Variants in SEMA6D observed in about 807,000 individuals in gnomAD.
SEMA6D encodes the protein semaphorin-6D.
A neutral mutation model predicts 106.6 loss-of-function variants in SEMA6D; 35 were observed. The observed-to-expected ratio is 0.33, with a 90% CI of 0.25 to 0.44. SEMA6D has a LOEUF of 0.44. SEMA6D is among the 20% of genes least tolerant of loss of function. The pLI is 1.00. For synonymous variants in SEMA6D, 499 were observed against 487.7 expected, an observed-to-expected ratio of 1.02 and a Z score of -0.31; for missense variants, 1,185 against 1,345.9, an observed-to-expected ratio of 0.88 and a Z score of 1.87.
intron 2 of SEMA6D, among the ~76,000 whole-genome samples, chr15:47,465,729 A>G (rs1372049114): frequency 6.6e-6 from 1 of 152,088 alleles, no homozygotes; most frequent in Non-Finnish European, 1.5e-5. Flanking sequence ...GCCTTCTACC[A>G]TGATTGTAAG....
chr15:47,471,968 C>CACACAG, intron 3 of SEMA6D, among the ~76,000 whole-genome samples: 1 of 149,476 alleles, frequency 6.7e-6, no homozygotes, highest in Non-Finnish European at 1.5e-5. Context: ...CACACACACA[C>CACACAG]ACACACGAAA....
At chr15:47,521,048 A>G (rs759303770) in intron 3 of SEMA6D, among the ~76,000 whole-genome samples, 1 of 152,190 alleles carries the variant, frequency 6.6e-6, no homozygotes, top group Non-Finnish European at 1.5e-5. Flanking sequence ...ACCAAAGTAG[A>G]ACTGCCTCCT....
At chr15:47,644,200 TATC>T (rs1429453546) in intron 4 of SEMA6D, among the ~76,000 whole-genome samples, 6 of 152,306 alleles carry the variant, frequency 3.9e-5, no homozygotes, top group African/African-American at 1.2e-4. Context: ...CTCCTTCAAA[TATC>T]ATGTAATTTA....
At chr15:47,641,804 C>T (rs528980906) in intron 4 of SEMA6D, among the ~76,000 whole-genome samples, 152 of 152,284 alleles carry the variant, frequency 1.0e-3, no homozygotes, top group Non-Finnish European at 1.6e-3. Context: ...ACGTCATGCT[C>T]CCCACACTGC....
chr15:47,698,751 T>A lies in SEMA6D; in HGVS notation c.-54-60994T>A, dbSNP rs1329226062. ...AATTAATGATAATCCTCTTTTCCTA[T>A]GAGTTCTGCTGCAGCCACAGCATCT... On this transcript the variant is annotated intron_variant, in intron 4 of 19. Coordinates refer to the SEMA6D transcript ENST00000558014. 3.9e-5 allele frequency among the ~76,000 whole-genome samples: 6 copies of A among 152,150 alleles called. No individual in the cohort carries two copies. In the South Asian group the frequency reaches 1.0e-3, roughly 26 times the overall value.
chr15:47,563,234 G>A (rs370680687), intron 3 of SEMA6D, among the ~76,000 whole-genome samples: 1 of 152,096 alleles, frequency 6.6e-6, no homozygotes, highest in South Asian at 2.1e-4. Flanking sequence ...TGTGTGATGG[G>A]CATGTCCAAA....
chr15:47,268,244 G>GAGAATTATTC (rs1219654719), intron 1 of SEMA6D, among the ~76,000 whole-genome samples: 1 of 152,194 alleles, frequency 6.6e-6, no homozygotes, highest in Non-Finnish European at 1.5e-5. Context: ...GCCTAGGCAT[G>GAGAATTATTC]AGAATTATTC....
chr15:47,654,445 G>C (rs1332183852), intron 4 of SEMA6D, among the ~76,000 whole-genome samples: 3 of 152,176 alleles, frequency 2.0e-5, no homozygotes, highest in Non-Finnish European at 4.4e-5. Flanking sequence ...AAAAGAAAAT[G>C]TTATTTAAAA....
At chr15:47,578,425 C>T (rs754281584) in intron 3 of SEMA6D, among the ~76,000 whole-genome samples, 1 of 152,124 alleles carries the variant, frequency 6.6e-6, no homozygotes, top group Non-Finnish European at 1.5e-5. Flanking sequence ...TTCACATGGA[C>T]GTACAAGAGC....
intron 1 of SEMA6D, among the ~76,000 whole-genome samples, chr15:47,356,624 C>G (rs1380833866): frequency 6.6e-6 from 1 of 151,912 alleles, no homozygotes; most frequent in African/African-American, 2.4e-5. Context: ...AGGGCTGGAC[C>G]ATGCCTTCAT....
At chr15:47,566,318 A>T (rs1192810438) in intron 3 of SEMA6D, among the ~76,000 whole-genome samples, 1 of 152,206 alleles carries the variant, frequency 6.6e-6, no homozygotes, top group African/African-American at 2.4e-5. Context: ...TAAGAGGGAG[A>T]TTCCTTCTTC....
intron 3 of SEMA6D, among the ~76,000 whole-genome samples, chr15:47,563,831 C>G (rs2046150220): frequency 6.6e-6 from 1 of 152,198 alleles, no homozygotes; most frequent in African/African-American, 2.4e-5. Context: ...TCATCATAAA[C>G]AGCCACACAG....
chr15:47,326,581 T>C (rs1427055672), intron 1 of SEMA6D, among the ~76,000 whole-genome samples: 7 of 151,838 alleles, frequency 4.6e-5, no homozygotes, highest in African/African-American at 1.7e-4. Flanking sequence ...TGCTGAGTTG[T>C]TTACAAGCAA....
chr15:47,436,774 T>A (rs773714980), intron 2 of SEMA6D, among the ~76,000 whole-genome samples: 3,507 of 143,024 alleles, frequency 0.025, 60 homozygotes, highest in African/African-American at 0.029. Context: ...AAAAAATATA[T>A]ATATATATAT....
intron 4 of SEMA6D, among the ~76,000 whole-genome samples, chr15:47,637,118 G>C (rs892363740): frequency 6.6e-6 from 1 of 152,106 alleles, no homozygotes; most frequent in Non-Finnish European, 1.5e-5. Flanking sequence ...CAGAATTTTT[G>C]TACATCTTCT....
At chr15:47,381,511 C>T (rs2039640626) in intron 1 of SEMA6D, among the ~76,000 whole-genome samples, 1 of 152,080 alleles carries the variant, frequency 6.6e-6, no homozygotes, top group South Asian at 2.1e-4. Flanking sequence ...ACACCTGTGG[C>T]CCTGGGGATA....
At chr15:47,555,201 G>C (rs756233786) in intron 3 of SEMA6D, among the ~76,000 whole-genome samples, 1 of 152,066 alleles carries the variant, frequency 6.6e-6, no homozygotes, top group Non-Finnish European at 1.5e-5. Flanking sequence ...AAGATATTTT[G>C]CAGAGCCCAG....
At chr15:47,275,590 G>A (rs2034766837) in intron 1 of SEMA6D, among the ~76,000 whole-genome samples, 1 of 152,052 alleles carries the variant, frequency 6.6e-6, no homozygotes, top group Non-Finnish European at 1.5e-5. Flanking sequence ...CATAACCTGT[G>A]CCCATATTAG....
chr15:47,678,628 G>C (rs1459296598), intron 4 of SEMA6D, among the ~76,000 whole-genome samples: 4 of 151,800 alleles, frequency 2.6e-5, no homozygotes, highest in African/African-American at 9.7e-5. Flanking sequence ...GAGTGGCAAA[G>C]TACTGATTTC....
Sources: gnomAD v4.1 joint callset for allele counts (sites outside exome capture counted in the v4.1 genomes callset) on GRCh38, gnomAD v4.1.1 for gene constraint, MANE v1.5 for transcripts, NCBI Gene and HGNC (gene_info 2026-07-23, HGNC 2026-07-21) for gene names.